Variants in MN1 observed in about 807,000 individuals in gnomAD.
The protein encoded by MN1 is transcriptional activator MN1.
Under a neutral mutation model 86.9 loss-of-function variants are expected in MN1, and 19 were observed. That is an observed-to-expected ratio of 0.22 (90% confidence interval 0.15 to 0.32). The LOEUF (loss-of-function observed/expected upper bound fraction) is 0.32. Among genes scored for constraint, MN1 ranks in the 10% least tolerant of loss-of-function variants. MN1 has a pLI of 1.00. For missense variants in MN1, 1,841 were observed against 1,862.0 expected (o/e 0.99, Z 0.21); for synonymous variants, 928 against 849.6 (o/e 1.09, Z -1.60).
At chr22:27,772,569 A>C (rs1932927921) in intron 1 of MN1, among the ~76,000 whole-genome samples, 1 of 152,040 alleles carries the variant, frequency 6.6e-6, no homozygotes, top group Non-Finnish European at 1.5e-5. Context: ...TCACTTAACC[A>C]ACCCCAAGAC....
At chr22:27,754,068 G>A (rs1932786761) in intron 1 of MN1, among the ~76,000 whole-genome samples, 2 of 152,150 alleles carry the variant, frequency 1.3e-5, no homozygotes, top group Non-Finnish European at 2.9e-5. Context: ...CAAACTCCGA[G>A]GGATGAAGCT....
intron 1 of MN1, among the ~76,000 whole-genome samples, chr22:27,788,991 GA>G (rs1035902232): frequency 1.3e-5 from 2 of 152,068 alleles, no homozygotes; most frequent in Non-Finnish European, 2.9e-5. Context: ...GCACTGAGAA[GA>G]AAAAAACTAC....
intron 1 of MN1, among the ~76,000 whole-genome samples, chr22:27,769,552 A>ATTTTGTTTTTTTT (rs1932896995): frequency 1.2e-5 from 1 of 83,268 alleles, no homozygotes; most frequent in Non-Finnish European, 2.1e-5. Flanking sequence ...AAGGATGCCA[A>ATTTTGTTTTTTTT]TTTTTTTTTT....
chr22:27,790,382 A>G (rs5762356), intron 1 of MN1, among the ~76,000 whole-genome samples: 27,624 of 152,234 alleles, frequency 0.18, 2,877 homozygotes, highest in South Asian at 0.28. Context: ...GGAAGATGGC[A>G]GGAAATGACC....
intron 1 of MN1, among the ~76,000 whole-genome samples, chr22:27,765,760 T>G (rs1932865023): frequency 6.6e-6 from 1 of 152,226 alleles, no homozygotes; most frequent in Admixed American, 6.5e-5. Flanking sequence ...TGGCAGAGCC[T>G]GGATTTGAAC....
Position 27,799,502 on chromosome 22 carries a change from G to T in MN1, c.1042C>A (p.Pro348Thr). Reference protein sequence around the residue: ...MQPPQQAPPPPQQQPPQQPPQ... With the variant: ...MQPPQQAPPPTQQQPPQQPPQ... ...GGCTGCTGCGGGGGCTGCTGCTGAG[G>T]GGGTGGCGGGGCCTGCTGGGGAGGC... Residue 348 changes from proline to threonine, a missense_variant, in exon 1 of 2, where the codon CCT becomes ACT. Physicochemically the swap from Pro to Thr is conservative, Grantham distance 38. Transcript: ENST00000302326. 1.4e-6 allele frequency: 2 copies of T among 1,453,104 alleles called. No homozygotes were observed. The highest frequency in any genetic ancestry group is 1.8e-6 in the Non-Finnish European group (2 of 1,102,880). The allele number at this position is 1,453,104 out of a possible 1,614,324, so 90.0% of individuals were successfully genotyped here. A position where few individuals can be genotyped will look rare whatever the true frequency, so the allele number is the denominator to read the frequency against.
intron 1 of MN1, among the ~76,000 whole-genome samples, chr22:27,794,364 A>G (rs987874017): frequency 1.3e-5 from 2 of 152,238 alleles, no homozygotes; most frequent in African/African-American, 4.8e-5. Context: ...AGTGACCTCA[A>G]TTCGCTGCTT....
intron 1 of MN1, among the ~76,000 whole-genome samples, chr22:27,754,049 A>G (rs934954048): frequency 3.9e-5 from 6 of 152,182 alleles, no homozygotes; most frequent in Admixed American, 1.3e-4. Flanking sequence ...CACTTTACAG[A>G]TGAGGAAACA....
At chr22:27,785,364 G>A (rs893267032) in intron 1 of MN1, among the ~76,000 whole-genome samples, 1 of 152,294 alleles carries the variant, frequency 6.6e-6, no homozygotes, top group South Asian at 2.1e-4. Flanking sequence ...GGATGGGGCC[G>A]GCCGCTTCTC....
intron 1 of MN1, among the ~76,000 whole-genome samples, chr22:27,755,052 G>C (rs1273570800): frequency 6.6e-6 from 1 of 152,180 alleles, no homozygotes; most frequent in African/African-American, 2.4e-5. Context: ...CAGACGAGAA[G>C]ACTGAGGCTC....
intron 1 of MN1, among the ~76,000 whole-genome samples, chr22:27,782,732 G>GCC (rs1053376539): frequency 6.6e-6 from 1 of 152,198 alleles, no homozygotes; most frequent in Non-Finnish European, 1.5e-5. Flanking sequence ...TAAGTAACCT[G>GCC]CCCAAGGACA....
chr22:27,748,486 G>A lies in MN1; in HGVS notation c.*2429C>T. The A allele has an allele frequency of 5.0e-6, 1 of 198,184 alleles. No individual in the cohort carries two copies. The highest frequency in any genetic ancestry group is 1.0e-5 in the Non-Finnish European group (1 of 95,426). 12.3% of individuals were successfully genotyped at this position (198,184 alleles called of 1,614,324 possible). ...CTTTTAAGAGTCAAAAAAGATTACA[G>A]GATTGCCTAACACACAGCAGAGTTA... On this transcript the variant is annotated 3_prime_UTR_variant, in exon 2 of 2. Transcript: ENST00000302326.
intron 1 of MN1, among the ~76,000 whole-genome samples, chr22:27,772,835 T>C (rs1374621327): frequency 1.3e-5 from 2 of 150,778 alleles, no homozygotes; most frequent in Non-Finnish European, 2.9e-5. Flanking sequence ...TGGATGCTGC[T>C]GTCACTATCA....
At chr22:27,769,552 A>ATTTTTTTTTTTTTTT (rs58248602) in intron 1 of MN1, among the ~76,000 whole-genome samples, 1,677 of 83,230 alleles carry the variant, frequency 0.02, 276 homozygotes, top group Non-Finnish European at 0.026. Context: ...AAGGATGCCA[A>ATTTTTTTTTTTTTTT]TTTTTTTTTT....
At chr22:27,778,749 A>G (rs1447777859) in intron 1 of MN1, among the ~76,000 whole-genome samples, 2 of 152,198 alleles carry the variant, frequency 1.3e-5, no homozygotes, top group Non-Finnish European at 2.9e-5. Flanking sequence ...ATGCCTAGCC[A>G]TCAGGTGACT....
intron 1 of MN1, among the ~76,000 whole-genome samples, chr22:27,771,418 G>T (rs1227617460): frequency 2.0e-5 from 3 of 151,484 alleles, no homozygotes; most frequent in Non-Finnish European, 4.4e-5. Flanking sequence ...TTGGTAGGGG[G>T]GTCTCACTAT....
chr22:27,794,426 A>T (rs5762358), intron 1 of MN1, among the ~76,000 whole-genome samples: 24,612 of 152,208 alleles, frequency 0.16, 2,525 homozygotes, highest in South Asian at 0.28. Context: ...AAAGGAGGTC[A>T]AGTGGGTGTC....
At position 27,799,455 on chromosome 22, in the gene MN1, C is replaced by A; in HGVS notation, c.1089G>T (p.Pro363=). 6.9e-7 allele frequency: 1 copy of A among 1,449,858 alleles called. No homozygotes were observed. Among genetic ancestry groups the A allele is most frequent in the East Asian group, 2.5e-5 (1 of 39,294 alleles). The allele number at this position is 1,449,858 out of a possible 1,614,324, so 89.8% of individuals were successfully genotyped here. The change falls in exon 1 of 2, where the codon CCG becomes CCT. Residue 363 remains proline, a synonymous_variant. Transcript: ENST00000302326. ...PQQPPQQQPP[P]PPGLLVRQNS... is the part of the protein sequence containing the mutation. The stretch of plus-strand genomic sequence containing the variant: ...TTTGTCGGACTAGAAGCCCGGGTGG[C>A]GGCGGCGGCTGCTGCTGTGGCGGCT...
chr22:27,753,192 C>G (rs1932780657), intron 1 of MN1, among the ~76,000 whole-genome samples: 1 of 152,206 alleles, frequency 6.6e-6, no homozygotes, highest in Admixed American at 6.5e-5. Flanking sequence ...TGAGGACCTT[C>G]TATATGCCAG....
Sources: allele counts gnomAD v4.1 joint callset (sites outside exome capture counted in the v4.1 genomes callset), GRCh38; gene constraint gnomAD v4.1.1; transcripts MANE v1.5; gene names NCBI Gene and HGNC (gene_info 2026-07-23, HGNC 2026-07-21).